SYDE1: variants seen among roughly 807,000 people sequenced by gnomAD.
SYDE1 encodes rho GTPase-activating protein SYDE1.
Under a neutral mutation model 63.3 loss-of-function variants are expected in SYDE1, and 34 were observed. That is an observed-to-expected ratio of 0.54 (90% confidence interval 0.41 to 0.71). SYDE1 has a LOEUF of 0.71. SYDE1 is among the 30% of genes least tolerant of loss of function. The pLI is 0.00. For missense variants in SYDE1, 925 were observed against 1,042.5 expected, an observed-to-expected ratio of 0.89 and a Z score of 1.55; for synonymous variants, 467 against 473.4, an observed-to-expected ratio of 0.99 and a Z score of 0.18.
Position 15,109,400 on chromosome 19 carries a change from A to G in SYDE1, c.430+3A>G, listed in dbSNP as rs576860540. On this transcript the variant is annotated splice_donor_region_variant and intron_variant, in intron 2 of 7. Transcript: ENST00000342784. The surrounding 1 kb of genome is among the most constrained non-coding windows in gnomAD (Gnocchi z 5.0). ...GTCAGAGGGCCTGGCCCCCCAAGGT[A>G]AGAACAAGCTTCCCATCCCCTTCCC... The G allele has an allele frequency of 1.1e-5, 17 of 1,535,496 alleles. No homozygotes were observed. Among genetic ancestry groups the G allele is most frequent in the Admixed American group, 1.1e-4 (5 of 47,536 alleles).
Position 15,113,767 on chromosome 19 carries a change from C to T in SYDE1, c.2012C>T (p.Ser671Phe). ...CTGCCCTGTGGGCGGGATTTCCTGT[C>T]CGGGCCAGACTACGACCACGTGACG... ...DFLPCGRDFL[S>F]GPDYDHVTGS... The change falls in exon 8 of 8, where the codon TCC (serine) becomes TTC (phenylalanine). Residue 671 changes from serine to phenylalanine, a missense_variant. Ser to Phe is a radical substitution (Grantham distance 155). Around this residue, in one of 3 missense-constraint regions of SYDE1, gnomAD observed 255 missense variants for 255.9 expected, o/e 1.00. Transcript: ENST00000342784. The T allele has an allele frequency of 6.2e-7, 1 of 1,614,090 alleles. No homozygotes were observed. Among genetic ancestry groups the T allele is most frequent in the African/African-American group, 1.3e-5 (1 of 75,068 alleles).
Position 15,109,564 on chromosome 19 carries a change from C to T in SYDE1, c.431-140C>T, listed in dbSNP as rs1345078164. 87 of 961,602 alleles carry T rather than the reference C, an allele frequency of 9.0e-5. 1 individual carries two copies. The East Asian group carries it at 2.3e-3, about 25-fold the overall frequency. The allele number at this position is 961,602 out of a possible 1,614,324, so 59.6% of individuals were successfully genotyped here. A position where few individuals can be genotyped will look rare whatever the true frequency, so the allele number is the denominator to read the frequency against. ...TCACATCCCCACCCCGTCAGATGCTCCCAGAGGAGCATCAGCCTCACACCC... is the reference window on the plus strand; with the variant it reads ...TCACATCCCCACCCCGTCAGATGCTTCCAGAGGAGCATCAGCCTCACACCC... On this transcript the variant is annotated intron_variant, in intron 2 of 7. Coordinates refer to ENST00000342784, the MANE Select transcript of SYDE1 (RefSeq NM_033025.6). This position sits in a 1 kb window ranked among gnomAD's most constrained non-coding sequence, Gnocchi z 5.0.
chr19:15,112,913 T>TTTTTC, intron 7 of SYDE1, among the ~76,000 whole-genome samples: 1 of 152,170 alleles, frequency 6.6e-6, no homozygotes. Flanking sequence ...TTTTATTTTT[T>TTTTTC]ATTTTTTTTG....
rs1259541261 is a variant in SYDE1, at chr19:15,113,853, G to A, written c.2098G>A (p.Glu700Lys). Residue 700 changes from glutamate to lysine, a missense_variant, in exon 8 of 8, where the codon GAA becomes AAA. Transcript: ENST00000342784. ...CGAGCCGAGGGTCACCGGTGACTTC[G>A]AAGACGACTTCGATGCGCCCTTCAA... ...VGEPRVTGDF[E>K]DDFDAPFNPH... The A allele has an allele frequency of 2.5e-6, 4 of 1,614,086 alleles. No individual in the cohort carries two copies. The highest frequency in any genetic ancestry group is 2.7e-5 in the African/African-American group (2 of 74,958).
In SYDE1 at chr19:15,113,811, G is replaced by C. The variant is rs2046363800; in HGVS notation, c.2056G>C (p.Glu686Gln). ...CGTGACGGGCAGTGACAGCGAGGACGAGGACGAGGAGGTCGGCGAGCCGAG... is the reference window on the plus strand; with the variant it reads ...CGTGACGGGCAGTGACAGCGAGGACCAGGACGAGGAGGTCGGCGAGCCGAG... ...DHVTGSDSED[E>Q]DEEVGEPRVT... The change falls in exon 8 of 8, where the codon GAG becomes CAG. Residue 686 changes from glutamate (E) to glutamine (Q), a missense_variant. Transcript: ENST00000342784. The C allele has an allele frequency of 6.2e-6, 10 of 1,614,034 alleles. No individual in the cohort carries two copies. The highest frequency in any genetic ancestry group is 1.1e-5 in the South Asian group (1 of 91,096).
In SYDE1 at chr19:15,111,396, C is replaced by T. The variant is rs2046344988; in HGVS notation, c.1374C>T (p.Val458=). 1.9e-6 allele frequency: 3 copies of T among 1,614,124 alleles called. No individual in the cohort carries two copies. Among genetic ancestry groups the T allele is most frequent in the African/African-American group, 2.7e-5 (2 of 75,032 alleles). Residue 458 remains valine, a synonymous_variant, in exon 5 of 8, where the codon GTC becomes GTT. Transcript: ENST00000342784. The surrounding 1 kb of genome is among the most constrained non-coding windows in gnomAD (Gnocchi z 5.5). ...CCTTTGAGCGGGACAGTGCAGCGGT[C>T]TGCCTATCTGAGGACCTGTACCCCG... ...RDAFERDSAA[V]CLSEDLYPDI... is the part of the protein sequence containing the mutation.
chr19:15,109,035 A>C lies in SYDE1; in HGVS notation c.89-21A>C. 1 of 1,461,150 alleles carries C rather than the reference A, an allele frequency of 6.8e-7. No individual in the cohort carries two copies. Among genetic ancestry groups the C allele is most frequent in the South Asian group, 1.4e-5 (1 of 70,786 alleles). 90.5% of individuals were successfully genotyped at this position (1,461,150 alleles called of 1,614,324 possible). On this transcript the variant is annotated intron_variant, in intron 1 of 7. Transcript: ENST00000342784. The surrounding 1 kb of genome is among the most constrained non-coding windows in gnomAD (Gnocchi z 5.0). ...GGCAGTGAGGGGCTGGGTGGGTCTC[A>C]CTCCCCTTGCTCTCTGCCAGGCCAC...
At position 15,110,385 on chromosome 19, in the gene SYDE1, C is replaced by T. The variant is rs1258259183; in HGVS notation, c.1075+37C>T. The T allele has an allele frequency of 9.7e-6, 14 of 1,440,412 alleles. No individual in the cohort carries two copies. The South Asian group carries it at 1.5e-4, about 15-fold the overall frequency. The allele number at this position is 1,440,412 out of a possible 1,614,324, so 89.2% of individuals were successfully genotyped here. On this transcript the variant is annotated intron_variant, in intron 3 of 7. Coordinates refer to ENST00000342784, the MANE Select transcript of SYDE1 (RefSeq NM_033025.6). The surrounding 1 kb of genome is among the most constrained non-coding windows in gnomAD (Gnocchi z 6.9). ...GGCTGCAGGGGAGGAGGGGCAGGGA[C>T]CCCCAAACCCCACCGCCACCCCCCG...
chr19:15,108,967 A>C lies in SYDE1; in HGVS notation c.89-89A>C. On this transcript the variant is annotated intron_variant, in intron 1 of 7. Coordinates refer to ENST00000342784, the MANE Select transcript of SYDE1 (RefSeq NM_033025.6). The surrounding 1 kb of genome is among the most constrained non-coding windows in gnomAD (Gnocchi z 4.3). The stretch of plus-strand genomic sequence containing the variant: ...TATCAGGGGCCGGCCAGGGCCGTAC[A>C]CAGCATCCCACCCACTGATCAATTG... 7.0e-7 allele frequency: 1 copy of C among 1,425,764 alleles called. No individual in the cohort carries two copies. The highest frequency in any genetic ancestry group is 1.5e-5 in the South Asian group (1 of 66,252). The allele number at this position is 1,425,764 out of a possible 1,614,324, so 88.3% of individuals were successfully genotyped here.
At position 15,108,942 on chromosome 19, in the gene SYDE1, T is replaced by C; in HGVS notation, c.89-114T>C. ...CAGCAGGATCCAAGGAACCATGACTTATCAGGGGCCGGCCAGGGCCGTACA... is the reference window on the plus strand; with the variant it reads ...CAGCAGGATCCAAGGAACCATGACTCATCAGGGGCCGGCCAGGGCCGTACA... On this transcript the variant is annotated intron_variant, in intron 1 of 7. Coordinates refer to ENST00000342784, the MANE Select transcript of SYDE1 (RefSeq NM_033025.6). The surrounding 1 kb of genome is among the most constrained non-coding windows in gnomAD (Gnocchi z 4.3). 2.9e-6 allele frequency: 4 copies of C among 1,403,470 alleles called. No individual in the cohort carries two copies. The highest frequency in any genetic ancestry group is 3.7e-6 in the Non-Finnish European group (4 of 1,080,920). 86.9% of individuals were successfully genotyped at this position (1,403,470 alleles called of 1,614,324 possible).
intron 7 of SYDE1, among the ~76,000 whole-genome samples, chr19:15,112,796 C>T (rs947916320): frequency 6.6e-5 from 10 of 152,218 alleles, no homozygotes; most frequent in African/African-American, 2.4e-4. Context: ...ATTGCCCAAG[C>T]TGGTCTCAAA....
At position 15,111,339 on chromosome 19, in the gene SYDE1, C is replaced by T. The variant is rs1351180749; in HGVS notation, c.1317C>T (p.Gly439=). ...LRVVGLYRLC[G]SAAVKKELRD... ...TAGTGGGACTGTACCGTCTTTGTGGCTCAGCGGCAGTGAAGAAAGAGCTTC... is the reference window on the plus strand; with the variant it reads ...TAGTGGGACTGTACCGTCTTTGTGGTTCAGCGGCAGTGAAGAAAGAGCTTC... Residue 439 remains glycine (G), a synonymous_variant, in exon 5 of 8, where the codon GGC becomes GGT. Coordinates refer to ENST00000342784, the MANE Select transcript of SYDE1 (RefSeq NM_033025.6). This position sits in a 1 kb window ranked among gnomAD's most constrained non-coding sequence, Gnocchi z 5.5. 2 of 1,614,010 alleles carry T rather than the reference C, an allele frequency of 1.2e-6. No individual in the cohort carries two copies. The highest frequency in any genetic ancestry group is 2.2e-5 in the South Asian group (2 of 91,082).
In SYDE1 at chr19:15,112,831, G is replaced by A. The variant is rs531993890; in HGVS notation, c.1804+260G>A. On this transcript the variant is annotated intron_variant, in intron 7 of 7. Transcript: ENST00000342784. Reference sequence around the variant, plus strand: ...ACGCATGATCTCAAGCCATCCTTCCGCCTCAGCCTCCCAAAGTACTGGGAT... The same window carrying A: ...ACGCATGATCTCAAGCCATCCTTCCACCTCAGCCTCCCAAAGTACTGGGAT... Among the ~76,000 whole-genome samples, 5 of 152,216 alleles carry A rather than the reference G, an allele frequency of 3.3e-5. No individual in the cohort carries two copies. In the East Asian group the frequency reaches 5.8e-4, roughly 18 times the overall value.
rs2046331509 is a variant in SYDE1 at position 15,109,880 on chromosome 19, C to T, written c.607C>T (p.Arg203Cys). 6.6e-7 allele frequency: 1 copy of T among 1,520,094 alleles called. No homozygotes were observed. Among genetic ancestry groups the T allele is most frequent in the Non-Finnish European group, 8.8e-7 (1 of 1,138,092 alleles). 94.2% of individuals were successfully genotyped at this position (1,520,094 alleles called of 1,614,324 possible). ...TGCCCCTGCGGGCTCCGTCATCAGC[C>T]GCTACCACCTGGACAGCAGCGTGGG... ...RAAPAGSVISRYHLDSSVGGP... is the reference protein window; with the variant it reads ...RAAPAGSVISCYHLDSSVGGP... Residue 203 changes from arginine (R) to cysteine (C), a missense_variant, in exon 3 of 8, where the codon CGC becomes TGC. By Grantham distance (180) the Arg-to-Cys change is radical. This residue lies in a region of SYDE1 where 599 missense variants were observed against 653.7 expected (regional missense o/e 0.92). Transcript: ENST00000342784. The surrounding 1 kb of genome is among the most constrained non-coding windows in gnomAD (Gnocchi z 5.0).
rs1022120018 is a variant in SYDE1 at position 15,110,142 on chromosome 19, G to T, written c.869G>T (p.Cys290Phe). 7.1e-7 allele frequency: 1 copy of T among 1,407,670 alleles called. No individual in the cohort carries two copies. Among genetic ancestry groups the T allele is most frequent in the Non-Finnish European group, 9.2e-7 (1 of 1,086,272 alleles). 87.2% of individuals were successfully genotyped at this position (1,407,670 alleles called of 1,614,324 possible). ...PAPGATPRDL[C>F]CLLQVDGEAR... is the part of the protein sequence containing the mutation. ...CCGGGGGCCACCCCCAGGGACCTCT[G>T]CTGCCTACTGCAAGTGGATGGGGAG... Residue 290 changes from cysteine (C) to phenylalanine (F), a missense_variant, in exon 3 of 8, where the codon TGC becomes TTC. By Grantham distance (205) the Cys-to-Phe change is radical. Transcript: ENST00000342784. The surrounding 1 kb of genome is among the most constrained non-coding windows in gnomAD (Gnocchi z 6.9).
At position 15,114,005 on chromosome 19, in the gene SYDE1, G is replaced by C. The variant is rs780674071; in HGVS notation, c.*42G>C. 13 of 1,570,934 alleles carry C rather than the reference G, an allele frequency of 8.3e-6. No homozygotes were observed. The highest frequency in any genetic ancestry group is 1.1e-5 in the Non-Finnish European group (13 of 1,155,756). ...GGACCCCGGTTAGTAAGGACCGGGCGCCCAGTGGCTAAGGCGGTGCCCTGG... is the reference window on the plus strand; with the variant it reads ...GGACCCCGGTTAGTAAGGACCGGGCCCCCAGTGGCTAAGGCGGTGCCCTGG... On this transcript the variant is annotated 3_prime_UTR_variant, in exon 8 of 8. Coordinates refer to ENST00000342784, the MANE Select transcript of SYDE1 (RefSeq NM_033025.6).
chr19:15,110,803 T>A lies in SYDE1; in HGVS notation c.1290+68T>A. On this transcript the variant is annotated intron_variant, in intron 4 of 7. Coordinates refer to ENST00000342784, the MANE Select transcript of SYDE1 (RefSeq NM_033025.6). The surrounding 1 kb of genome is among the most constrained non-coding windows in gnomAD (Gnocchi z 6.9). ...AGACCACTCTTCAGGACACCCTATG[T>A]ACAGATGCCAGACCCCTACCCCCAG... 1 of 1,337,188 alleles carries A rather than the reference T, an allele frequency of 7.5e-7. No individual in the cohort carries two copies. Among genetic ancestry groups the A allele is most frequent in the Non-Finnish European group, 1.0e-6 (1 of 991,608 alleles). The allele number at this position is 1,337,188 out of a possible 1,614,324, so 82.8% of individuals were successfully genotyped here. A position where few individuals can be genotyped will look rare whatever the true frequency, so the allele number is the denominator to read the frequency against.
chr19:15,110,505 C>T lies in SYDE1; in HGVS notation c.1076-16C>T, dbSNP rs2046337961. 1 of 1,558,978 alleles carries T rather than the reference C, an allele frequency of 6.4e-7. No individual in the cohort carries two copies. The highest frequency in any genetic ancestry group is 8.7e-7 in the Non-Finnish European group (1 of 1,154,198). ...GCTTCAGAGCACACCCGGCTCAGGCCCCCTTGTGTCCTCAGGGTGCCAGGC... is the reference window on the plus strand; with the variant it reads ...GCTTCAGAGCACACCCGGCTCAGGCTCCCTTGTGTCCTCAGGGTGCCAGGC... On this transcript the variant is annotated splice_polypyrimidine_tract_variant and intron_variant, in intron 3 of 7. Coordinates refer to ENST00000342784, the MANE Select transcript of SYDE1 (RefSeq NM_033025.6). This position sits in a 1 kb window ranked among gnomAD's most constrained non-coding sequence, Gnocchi z 6.9.
rs1478853416 is a variant in SYDE1 at position 15,108,134 on chromosome 19, G to C, written c.88+613G>C. Among the ~76,000 whole-genome samples the C allele has an allele frequency of 6.6e-6, 1 of 152,138 alleles. No homozygotes were observed. The highest frequency in any genetic ancestry group is 6.5e-5 in the Admixed American group (1 of 15,282). The stretch of plus-strand genomic sequence containing the variant: ...AGCTCTTTGGACTATGCTACAAACA[G>C]AGACCCTAGAGGGTGGACATCAGAG... On this transcript the variant is annotated intron_variant, in intron 1 of 7. Coordinates refer to ENST00000342784, the MANE Select transcript of SYDE1 (RefSeq NM_033025.6). The surrounding 1 kb of genome is among the most constrained non-coding windows in gnomAD (Gnocchi z 4.3).
Sources: allele counts gnomAD v4.1 joint callset (sites outside exome capture counted in the v4.1 genomes callset), GRCh38; gene constraint gnomAD v4.1.1; regional missense constraint gnomAD v4.1.1; non-coding constraint Gnocchi (gnomAD v3.1); transcripts MANE v1.5; gene names NCBI Gene and HGNC (gene_info 2026-07-23, HGNC 2026-07-21).